Variants in ENTREP2 observed in about 807,000 individuals in gnomAD.
ENTREP2 encodes the protein endosomal transmembrane epsin interactor 2.
At chr15:29,392,197 T>C in the ENTREP2 span, among the ~76,000 whole-genome samples, 1 of 149,704 alleles carries the variant, frequency 6.7e-6, no homozygotes, top group East Asian at 2.0e-4. Context: ...CTCCTGACCT[T>C]GTGATCCACC....
At chr15:29,268,177 T>C in the ENTREP2 span, 57 of 152,358 alleles carry the variant, frequency 3.7e-4, no homozygotes, top group African/African-American at 1.3e-3. Flanking sequence ...CAGTATTTAT[T>C]GTAATAACTA....
the ENTREP2 span, among the ~76,000 whole-genome samples, chr15:29,645,943 G>C: frequency 6.6e-6 from 1 of 152,160 alleles, no homozygotes; most frequent in Non-Finnish European, 1.5e-5. Flanking sequence ...AATAAGACAT[G>C]ATTTATTTCA....
chr15:29,159,911 G>A, the ENTREP2 span, among the ~76,000 whole-genome samples: 9 of 152,266 alleles, frequency 5.9e-5, no homozygotes, highest in East Asian at 1.9e-4. Context: ...CCAGTACCGC[G>A]CTGTGCGCCT....
chr15:29,215,138 T>C, the ENTREP2 span, among the ~76,000 whole-genome samples: 2 of 152,240 alleles, frequency 1.3e-5, no homozygotes, highest in Admixed American at 6.5e-5. Context: ...GGTGCATATA[T>C]GTTTAGGACT....
chr15:29,478,113 C>G, the ENTREP2 span, among the ~76,000 whole-genome samples: 2 of 147,474 alleles, frequency 1.4e-5, no homozygotes, highest in African/African-American at 5.0e-5. Context: ...CAAGCTCCGC[C>G]TCCCGGGTTC....
At chr15:29,255,776 C>T in the ENTREP2 span, among the ~76,000 whole-genome samples, 52 of 151,884 alleles carry the variant, frequency 3.4e-4, no homozygotes, top group African/African-American at 1.2e-3. Flanking sequence ...TCGAGGCGGG[C>T]GGATCAAAAG....
At chr15:29,528,868 T>C in the ENTREP2 span, among the ~76,000 whole-genome samples, 1 of 152,134 alleles carries the variant, frequency 6.6e-6, no homozygotes, top group African/African-American at 2.4e-5. Context: ...TAGATTATGT[T>C]CATAAAATTT....
At chr15:29,223,326 GA>G in the ENTREP2 span, among the ~76,000 whole-genome samples, 6 of 151,536 alleles carry the variant, frequency 4.0e-5, no homozygotes, top group African/African-American at 1.5e-4. Context: ...CTGGGCTGGA[GA>G]GAGTTTGTCT....
At chr15:29,538,054 C>T in the ENTREP2 span, among the ~76,000 whole-genome samples, 3 of 152,126 alleles carry the variant, frequency 2.0e-5, no homozygotes, top group African/African-American at 4.8e-5. Flanking sequence ...TTTAACAATA[C>T]GTTTTATTTA....
At chr15:29,293,499 G>C in the ENTREP2 span, among the ~76,000 whole-genome samples, 18 of 151,484 alleles carry the variant, frequency 1.2e-4, no homozygotes, top group African/African-American at 4.1e-4. Context: ...CTTGTGATCC[G>C]CCCGCCTTGG....
the ENTREP2 span, among the ~76,000 whole-genome samples, chr15:29,487,425 G>T: frequency 3.3e-5 from 5 of 152,132 alleles, no homozygotes; most frequent in Admixed American, 2.6e-4. Flanking sequence ...ACAGATAAGC[G>T]GTCAGTCTCT....
At chr15:29,377,865 A>AATAATAAT in the ENTREP2 span, among the ~76,000 whole-genome samples, 8,236 of 55,214 alleles carry the variant, frequency 0.15, 431 homozygotes, top group African/African-American at 0.18. Context: ...ATAATAATAA[A>AATAATAAT]AAAATGAGCC....
the ENTREP2 span, chr15:29,613,307 C>CT: frequency 4.9e-6 from 1 of 205,174 alleles, no homozygotes; most frequent in African/African-American, 2.4e-5. Context: ...GACCAGACCA[C>CT]TTTGTTTTCG....
the ENTREP2 span, among the ~76,000 whole-genome samples, chr15:29,464,862 G>A: frequency 6.6e-6 from 1 of 152,172 alleles, no homozygotes; most frequent in Admixed American, 6.5e-5. Context: ...CATCGGGCCT[G>A]TACCCTCAGA....
At chr15:29,396,389 T>C in the ENTREP2 span, among the ~76,000 whole-genome samples, 1 of 152,142 alleles carries the variant, frequency 6.6e-6, no homozygotes, top group Non-Finnish European at 1.5e-5. Flanking sequence ...CTGGCTAATT[T>C]CACTTAGCAT....
the ENTREP2 span, among the ~76,000 whole-genome samples, chr15:29,418,972 A>C: frequency 6.6e-6 from 1 of 152,248 alleles, no homozygotes; most frequent in East Asian, 1.9e-4. Flanking sequence ...ACAAAAAGCC[A>C]CTGGAAGGCA....
chr15:29,584,918 A>C, the ENTREP2 span, among the ~76,000 whole-genome samples: 1 of 152,206 alleles, frequency 6.6e-6, no homozygotes, highest in Admixed American at 6.5e-5. Context: ...ATCACATTTC[A>C]TATCTTAAAT....
the ENTREP2 span, among the ~76,000 whole-genome samples, chr15:29,119,628 AT>A: frequency 1.5e-4 from 1 of 6,670 alleles, no homozygotes; most frequent in Non-Finnish European, 1.2e-3. Flanking sequence ...AAATAAATAA[AT>A]AAATAAAATA....
At chr15:29,234,000 T>C in the ENTREP2 span, 4 of 1,493,868 alleles carry the variant, frequency 2.7e-6, no homozygotes, top group Admixed American at 6.8e-5. Context: ...AGAGTTGAAA[T>C]ATCTGATTGA....
Sources: gnomAD v4.1 joint callset for allele counts (sites outside exome capture counted in the v4.1 genomes callset) on GRCh38, gnomAD v4.1.1 for gene constraint, MANE v1.5 for transcripts, NCBI Gene and HGNC (gene_info 2026-07-23, HGNC 2026-07-21) for gene names.